The following RAI14 variants were observed in gnomAD, a reference collection of about 807,000 sequenced individuals.
RAI14 encodes ankycorbin.
RAI14 carries 45 observed loss-of-function variants against 115.4 expected under a neutral mutation model. The ratio of observed to expected loss-of-function variants is 0.39; its 90% CI spans 0.31 to 0.50. RAI14 has a LOEUF of 0.50. Among genes scored for constraint, RAI14 ranks in the 20% least tolerant of loss-of-function variants. The pLI, the probability that RAI14 is intolerant of heterozygous loss-of-function variation, is 0.85. For missense variants in RAI14, 939 were observed against 1,131.2 expected (o/e 0.83, Z 2.44); for synonymous variants, 371 against 415.4 (o/e 0.89, Z 1.30).
At chr5:34,754,454 T>C (rs1747604889) in intron 2 of RAI14, among the ~76,000 whole-genome samples, 1 of 152,160 alleles carries the variant, frequency 6.6e-6, no homozygotes, top group South Asian at 2.1e-4. Context: ...CAGAGTGGTC[T>C]CGAACTCAAG....
chr5:34,788,711 T>C (rs1752596200), intron 3 of RAI14, among the ~76,000 whole-genome samples: 1 of 152,332 alleles, frequency 6.6e-6, no homozygotes, highest in Admixed American at 6.5e-5. Context: ...GGCTCACGCC[T>C]GTAATCCCAG....
At chr5:34,774,693 C>T (rs1033309043) in intron 3 of RAI14, among the ~76,000 whole-genome samples, 2 of 151,496 alleles carry the variant, frequency 1.3e-5, no homozygotes, top group Non-Finnish European at 1.5e-5. Flanking sequence ...CCATACTATC[C>T]AAGCAGTCTA....
chr5:34,771,345 A>G (rs1336288543), intron 3 of RAI14, among the ~76,000 whole-genome samples: 3 of 152,164 alleles, frequency 2.0e-5, no homozygotes, highest in Non-Finnish European at 4.4e-5. Context: ...TGCAGAGGCA[A>G]TGGAAGGAAC....
At position 34,811,054 on chromosome 5, in the gene RAI14, A is replaced by G. The variant is rs181557759; in HGVS notation, c.493A>G (p.Ser165Gly). Residue 165 changes from serine to glycine, a missense_variant, in exon 8 of 18, where the codon AGT becomes GGT. Ser to Gly is a moderately conservative substitution (Grantham distance 56). Coordinates refer to ENST00000265109, the MANE Select transcript of RAI14 (RefSeq NM_015577.3). Reference protein sequence around the residue: ...PLLLAVQNGHSEICHFLLDHG... With the variant: ...PLLLAVQNGHGEICHFLLDHG... The stretch of plus-strand genomic sequence containing the variant: ...GCTTCTTGCTGTACAAAATGGTCAC[A>G]GTGAGATCTGTCACTTTCTCCTGGA... 2 of 1,614,148 alleles carry G rather than the reference A, an allele frequency of 1.2e-6. No individual in the cohort carries two copies. The highest frequency in any genetic ancestry group is 2.2e-5 in the East Asian group (1 of 44,874).
chr5:34,665,057 GTATATATATGTGTA>G (rs1410029742), intron 1 of RAI14, among the ~76,000 whole-genome samples: 1 of 31,374 alleles, frequency 3.2e-5, no homozygotes, highest in African/African-American at 9.6e-5. Context: ...ATATATATGT[GTATATATATGTGTA>G]TATATATGTG....
chr5:34,794,337 C>T (rs576228916), intron 3 of RAI14, among the ~76,000 whole-genome samples: 48 of 152,282 alleles, frequency 3.2e-4, no homozygotes, highest in Admixed American at 4.6e-4. Context: ...GCAGGAGAAT[C>T]ACTTGAACCT....
At chr5:34,664,633 T>G (rs1479919515) in intron 1 of RAI14, among the ~76,000 whole-genome samples, 1 of 152,036 alleles carries the variant, frequency 6.6e-6, no homozygotes, top group Non-Finnish European at 1.5e-5. Flanking sequence ...ATTAAATTTT[T>G]TATTTCCATG....
chr5:34,745,818 T>C lies in RAI14; in HGVS notation c.37-11650T>C, dbSNP rs768190969. ...TTACTCACTTCCCCCCGGGAGCTATTGGAGCATTACCATGTGTAGGGCTTC... is the reference window on the plus strand; with the variant it reads ...TTACTCACTTCCCCCCGGGAGCTATCGGAGCATTACCATGTGTAGGGCTTC... On this transcript the variant is annotated intron_variant, in intron 2 of 17. Transcript: ENST00000265109. Among the ~76,000 whole-genome samples, 67 of 152,286 alleles carry C rather than the reference T, an allele frequency of 4.4e-4. 1 individual carries two copies. Among genetic ancestry groups the C allele is most frequent in the Middle Eastern group, 3.4e-3 (1 of 294 alleles).
At chr5:34,678,367 G>T (rs1193393230) in intron 1 of RAI14, among the ~76,000 whole-genome samples, 1 of 152,132 alleles carries the variant, frequency 6.6e-6, no homozygotes, top group African/African-American at 2.4e-5. Flanking sequence ...GAATGTTACG[G>T]ACTGAATTGT....
At chr5:34,698,852 C>T (rs1469162048) in intron 2 of RAI14, among the ~76,000 whole-genome samples, 6 of 151,996 alleles carry the variant, frequency 3.9e-5, no homozygotes, top group African/African-American at 1.4e-4. Context: ...GGGGCCAGGA[C>T]TAGGGCCAGG....
At chr5:34,750,967 C>T (rs1481044707) in intron 2 of RAI14, among the ~76,000 whole-genome samples, 2 of 146,344 alleles carry the variant, frequency 1.4e-5, no homozygotes, top group Non-Finnish European at 3.0e-5. Context: ...ATTCTCCTGC[C>T]TCAGCATCCC....
At chr5:34,701,451 C>T (rs1299105391) in intron 2 of RAI14, among the ~76,000 whole-genome samples, 2 of 152,168 alleles carry the variant, frequency 1.3e-5, no homozygotes, top group African/African-American at 2.4e-5. Flanking sequence ...CCTCTAAGGA[C>T]AGCCACTGTA....
In RAI14 at chr5:34,790,582, A is replaced by G. The variant is rs146584615; in HGVS notation, c.168-5357A>G. 4.0e-4 allele frequency among the ~76,000 whole-genome samples: 61 copies of G among 152,198 alleles called. No individual in the cohort carries two copies. The East Asian group carries it at 0.01, about 26-fold the overall frequency. ...TTCACTACTTTATTATATAAAAAGT[A>G]AGATATTTTAAAGAGTTAGAGCAAG... is the stretch of plus-strand genomic sequence containing the variant. On this transcript the variant is annotated intron_variant, in intron 3 of 17. Transcript: ENST00000265109.
At chr5:34,680,591 G>A (rs149335708) in intron 1 of RAI14, among the ~76,000 whole-genome samples, 132 of 152,262 alleles carry the variant, frequency 8.7e-4, no homozygotes, top group African/African-American at 2.5e-3. Flanking sequence ...ATAGCTTACG[G>A]GACCACTTGG....
intron 2 of RAI14, among the ~76,000 whole-genome samples, chr5:34,727,583 G>A (rs1323021403): frequency 6.6e-6 from 1 of 152,310 alleles, no homozygotes; most frequent in East Asian, 1.9e-4. Flanking sequence ...CCCCCTTGCT[G>A]TGTGCAGCCT....
intron 1 of RAI14, among the ~76,000 whole-genome samples, chr5:34,673,885 A>C (rs944201402): frequency 4.6e-5 from 7 of 152,154 alleles, no homozygotes; most frequent in Non-Finnish European, 7.4e-5. Context: ...AAAACCCCAG[A>C]GTCTCTGAAT....
At chr5:34,683,541 T>G (rs1744544604) in intron 1 of RAI14, among the ~76,000 whole-genome samples, 2 of 152,090 alleles carry the variant, frequency 1.3e-5, no homozygotes, top group Non-Finnish European at 2.9e-5. Context: ...GCCTAAGACT[T>G]TGTGCTCTCT....
At chr5:34,778,458 G>C (rs1465210777) in intron 3 of RAI14, among the ~76,000 whole-genome samples, 1 of 152,178 alleles carries the variant, frequency 6.6e-6, no homozygotes, top group Non-Finnish European at 1.5e-5. Context: ...ACTTTGGGAG[G>C]CTGAGATGGG....
intron 1 of RAI14, among the ~76,000 whole-genome samples, chr5:34,675,990 C>T (rs1197719824): frequency 1.3e-5 from 2 of 152,182 alleles, no homozygotes; most frequent in African/African-American, 2.4e-5. Context: ...TATAAATATT[C>T]GGTCTTTGTG....
Sources: gnomAD v4.1 joint callset for allele counts (sites outside exome capture counted in the v4.1 genomes callset) on GRCh38, gnomAD v4.1.1 for gene constraint, MANE v1.5 for transcripts, NCBI Gene and HGNC (gene_info 2026-07-23, HGNC 2026-07-21) for gene names.